The following STAB1 variants were observed in gnomAD, a reference collection of about 807,000 sequenced individuals.
STAB1 encodes the protein stabilin-1.
A neutral mutation model predicts 332.4 loss-of-function variants in STAB1; 250 were observed. The observed-to-expected ratio is 0.75, with a 90% CI of 0.68 to 0.84. The LOEUF (loss-of-function observed/expected upper bound fraction) is 0.84, where lower values mean the gene tolerates loss of function less well. Among genes scored for constraint, STAB1 ranks in the 40% least tolerant of loss-of-function variants. The pLI, the probability that STAB1 is intolerant of heterozygous loss-of-function variation, is 0.00. For synonymous variants in STAB1, 1,475 were observed against 1,390.4 expected (o/e 1.06, Z -1.35); for missense variants, 3,249 against 3,489.7 (o/e 0.93, Z 1.74).
intron 5 of STAB1, 25 bp downstream of exon 5, chr3:52,502,253 C>A (rs976947862): frequency 6.2e-7 from 1 of 1,604,846 alleles, no homozygotes; most frequent in Non-Finnish European, 8.5e-7. Flanking sequence ...GGCAAGAGGG[C>A]ACGGCCAGCG....
At chr3:52,519,609 TGTAA>T (rs34375719) in intron 50 of STAB1, 45 bp downstream of exon 50, 845,574 of 1,608,500 alleles carry the variant, frequency 0.53, 227,358 homozygotes, top group Admixed American at 0.62. Context: ...CACATGCACG[TGTAA>T]GTGTGTGCAA....
chr3:52,495,986 A>T (rs191806482), intron 1 of STAB1, among the ~76,000 whole-genome samples: 1 of 152,340 alleles, frequency 6.6e-6, no homozygotes, highest in African/African-American at 2.4e-5. Context: ...TGGCAAGGAC[A>T]CACTTCAGCC....
At position 52,519,934 on chromosome 3, in the gene STAB1, A is replaced by AC. The variant is rs1176432170; in HGVS notation, c.5236-6dup. 1 of 1,562,852 alleles carries AC rather than the reference A, an allele frequency of 6.4e-7. No individual in the cohort carries two copies. The highest frequency in any genetic ancestry group is 1.8e-5 in the Admixed American group (1 of 54,578). ...GCAGCGACTGCCACATCTTTGCTGC[A>AC]CCCCACCAGGTGGCCGGCCTCCTGC... On this transcript the variant is annotated splice_polypyrimidine_tract_variant and intron_variant, in intron 50 of 68. Transcript: ENST00000321725.
Position 52,501,267 on chromosome 3 carries a change from G to A in STAB1, c.180G>A (p.Leu60=). 6.2e-7 allele frequency: 1 copy of A among 1,613,602 alleles called. No individual in the cohort carries two copies. Among genetic ancestry groups the A allele is most frequent in the Non-Finnish European group, 8.5e-7 (1 of 1,180,016 alleles). The change falls in exon 2 of 69, where the codon CTG becomes CTA. Residue 60 remains leucine, a synonymous_variant. Coordinates refer to ENST00000321725, the MANE Select transcript of STAB1 (RefSeq NM_015136.3). ...AGCAGACGTGTCCCTCAGGCTGGCT[G>A]CGGGAGCTCCCGGATCAGATAACCC... The part of the protein sequence containing the change: ...IKKQTCPSGW[L]RELPDQITQD...
At position 52,516,787 on chromosome 3, in the gene STAB1, C is replaced by T. The variant is rs1344095051; in HGVS notation, c.4363+19C>T. The T allele has an allele frequency of 2.5e-6, 4 of 1,601,348 alleles. No homozygotes were observed. The highest frequency in any genetic ancestry group is 3.4e-6 in the Non-Finnish European group (4 of 1,175,404). ...TGTTCAGGTCCAGCCACACGGATGC[C>T]CAGGGCCCTCCCTGAAATTTTGGGG... On this transcript the variant is annotated intron_variant, in intron 41 of 68. Transcript: ENST00000321725.
Position 52,504,761 on chromosome 3 carries a change from G to A in STAB1, c.1262G>A (p.Cys421Tyr). 3 of 1,613,834 alleles carry A rather than the reference G, an allele frequency of 1.9e-6. No individual in the cohort carries two copies. Among genetic ancestry groups the A allele is most frequent in the Non-Finnish European group, 2.5e-6 (3 of 1,180,018 alleles). Residue 421 changes from cysteine to tyrosine, a missense_variant, in exon 12 of 69, where the codon TGT (cysteine) becomes TAT (tyrosine). Coordinates refer to ENST00000321725, the MANE Select transcript of STAB1 (RefSeq NM_015136.3). ...CAGGCATCCCTTGCCCAGCAGCTCTGTAGACAGCACATCATCGCAGGGCAG... is the reference window on the plus strand; with the variant it reads ...CAGGCATCCCTTGCCCAGCAGCTCTATAGACAGCACATCATCGCAGGGCAG... ...TMNASLAQQL[C>Y]RQHIIAGQHI... is the part of the protein sequence containing the mutation.
chr3:52,520,071 G>A lies in STAB1; in HGVS notation c.5363G>A (p.Arg1788His), dbSNP rs1021463883. The part of the protein sequence containing the change: ...RQAWLYHEDH[R>H]DKLAAILRGH... Reference sequence around the variant, plus strand: ...GCCTGGCTGTACCATGAGGACCACCGTGACAAGCTAGCAGCCATTCTGCGG... The same window carrying A: ...GCCTGGCTGTACCATGAGGACCACCATGACAAGCTAGCAGCCATTCTGCGG... The change falls in exon 51 of 69, where the codon CGT (arginine) becomes CAT (histidine). Residue 1788 changes from arginine (R) to histidine (H), a missense_variant. By Grantham distance (29) the Arg-to-His change is conservative. Coordinates refer to ENST00000321725, the MANE Select transcript of STAB1 (RefSeq NM_015136.3). 3 of 1,612,326 alleles carry A rather than the reference G, an allele frequency of 1.9e-6. No homozygotes were observed. Among genetic ancestry groups the A allele is most frequent in the Non-Finnish European group, 1.7e-6 (2 of 1,179,622 alleles).
chr3:52,517,797 C>T, intron 44 of STAB1, 84 bp from the exon 45 acceptor site: 6 of 1,595,728 alleles, frequency 3.8e-6, no homozygotes, highest in South Asian at 1.1e-5. Context: ...TGAGCAGGGG[C>T]CTTCATGGCC....
rs1265968589 is a variant in STAB1 at position 52,512,650 on chromosome 3, C to G, written c.3027+7C>G. The G allele has an allele frequency of 1.9e-6, 3 of 1,613,636 alleles. No individual in the cohort carries two copies. The highest frequency in any genetic ancestry group is 2.2e-5 in the South Asian group (2 of 91,070). ...CTTCTACCAATGGCTTAAGGTAGGA[C>G]AGGGCAGAATGCTGGGGTTGAGGGC... is the stretch of plus-strand genomic sequence containing the variant. On this transcript the variant is annotated splice_region_variant and intron_variant, in intron 28 of 68. Transcript: ENST00000321725.
rs745762102 is a variant in STAB1, at chr3:52,505,107, G to C, written c.1482G>C (p.Arg494=). ...TCTTCCACGTGGTCACTGGCCTGCG[G>C]TGGCAGGCCCCCTCTGGGACCCCTG... ...NGVFHVVTGL[R]WQAPSGTPGD... The change falls in exon 13 of 69, where the codon CGG becomes CGC. Residue 494 remains arginine, a synonymous_variant. Transcript: ENST00000321725. The C allele has an allele frequency of 1.9e-6, 3 of 1,613,484 alleles. No individual in the cohort carries two copies. The South Asian group carries it at 3.3e-5, about 18-fold the overall frequency.
intron 48 of STAB1, 67 bp from the exon 49 acceptor site, chr3:52,519,197 C>T: frequency 6.4e-7 from 1 of 1,563,874 alleles, no homozygotes; most frequent in Non-Finnish European, 8.7e-7. Context: ...TCAACCTCCA[C>T]CTCAGGCCCC....
At chr3:52,515,607 C>T in intron 37 of STAB1, 101 bp downstream of exon 37, 2 of 1,282,374 alleles carry the variant, frequency 1.6e-6, no homozygotes, top group Non-Finnish European at 2.2e-6. Flanking sequence ...AGGACAGAGA[C>T]TGGGCTGGGA....
rs112238381 is a variant in STAB1, at chr3:52,509,852, C to G, written c.2348-18C>G. The G allele has an allele frequency of 8.7e-6, 14 of 1,612,556 alleles. No individual in the cohort carries two copies. The African/African-American group carries it at 1.6e-4, about 18-fold the overall frequency. ...CCTCCTGCTTCTCAGTTTCCTTGCT[C>G]CCATCTACTCCATACAGACTGCGGC... On this transcript the variant is annotated intron_variant, in intron 22 of 68. Coordinates refer to ENST00000321725, the MANE Select transcript of STAB1 (RefSeq NM_015136.3).
At chr3:52,512,805 C>T (rs1046764110) in intron 28 of STAB1, 23 bp from the exon 29 acceptor site, 1 of 1,606,712 alleles carries the variant, frequency 6.2e-7, no homozygotes. Context: ...CTCCTCCCGC[C>T]CCTGCTCCCT....
rs749863105 is a variant in STAB1 at position 52,524,230 on chromosome 3, A to G, written c.7656+17A>G. The G allele has an allele frequency of 2.1e-5, 34 of 1,613,876 alleles. No individual in the cohort carries two copies. Among genetic ancestry groups the G allele is most frequent in the Non-Finnish European group, 2.6e-5 (31 of 1,179,992 alleles). On this transcript the variant is annotated intron_variant, in intron 68 of 68. Transcript: ENST00000321725. ...CCCTTCGATGTAAGCATGGAAGTGA[A>G]GAAGTGTGGCAGATGTGGGATGGGC... is the stretch of plus-strand genomic sequence containing the variant.
Position 52,501,077 on chromosome 3 carries a change from G to T in STAB1, c.79-89G>T, listed in dbSNP as rs536687866. 58 of 1,526,586 alleles carry T rather than the reference G, an allele frequency of 3.8e-5. No individual in the cohort carries two copies. In the African/African-American group the frequency reaches 6.1e-4, roughly 16 times the overall value. 94.6% of individuals were successfully genotyped at this position (1,526,586 alleles called of 1,614,324 possible). A position where few individuals can be genotyped will look rare whatever the true frequency, so the allele number is the denominator to read the frequency against. Reference sequence around the variant, plus strand: ...CTGAGCAGATGGGAAGTGGCAGCTGGAGGGGTGTGAGCCCTTGCAGCACTG... The same window carrying T: ...CTGAGCAGATGGGAAGTGGCAGCTGTAGGGGTGTGAGCCCTTGCAGCACTG... On this transcript the variant is annotated intron_variant, in intron 1 of 68. Coordinates refer to ENST00000321725, the MANE Select transcript of STAB1 (RefSeq NM_015136.3).
Position 52,512,941 on chromosome 3 carries a change from G to T in STAB1, c.3141G>T (p.Thr1047=). 1 of 1,610,394 alleles carries T rather than the reference G, an allele frequency of 6.2e-7. No homozygotes were observed. The highest frequency in any genetic ancestry group is 2.2e-5 in the East Asian group (1 of 44,834). ...GAGCTTTCTGGCTGCAGCCAAGGACGCTGCCGAACCTGGTCAGGTGGGGCC... is the reference window on the plus strand; with the variant it reads ...GAGCTTTCTGGCTGCAGCCAAGGACTCTGCCGAACCTGGTCAGGTGGGGCC... ...EDRAFWLQPR[T]LPNLVRAHFL... is the part of the protein sequence containing the mutation. Residue 1047 remains threonine, a synonymous_variant, in exon 29 of 69, where the codon ACG becomes ACT. Coordinates refer to ENST00000321725, the MANE Select transcript of STAB1 (RefSeq NM_015136.3).
rs150674062 is a variant in STAB1 at position 52,504,703 on chromosome 3, C to G, written c.1240-36C>G. ...AGAGGTGGTGTGAAGAGGACTGGCCCCCCGGCTCACTTTGCTCCCCGCCTT... is the reference window on the plus strand; with the variant it reads ...AGAGGTGGTGTGAAGAGGACTGGCCGCCCGGCTCACTTTGCTCCCCGCCTT... On this transcript the variant is annotated intron_variant, in intron 11 of 68. Coordinates refer to ENST00000321725, the MANE Select transcript of STAB1 (RefSeq NM_015136.3). 206 of 1,613,452 alleles carry G rather than the reference C, an allele frequency of 1.3e-4. No homozygotes were observed. In the African/African-American group the frequency reaches 2.5e-3, roughly 20 times the overall value.
rs1403791575 is a variant in STAB1 at position 52,521,353 on chromosome 3, A to G, written c.5909-8A>G. On this transcript the variant is annotated splice_polypyrimidine_tract_variant and splice_region_variant and intron_variant, in intron 55 of 68. Transcript: ENST00000321725. ...GGCCCCACCTCACTTCTCCTACCCCATCCCCAGCTTGCCCTGGCGGCCCCA... is the reference window on the plus strand; with the variant it reads ...GGCCCCACCTCACTTCTCCTACCCCGTCCCCAGCTTGCCCTGGCGGCCCCA... 5.6e-6 allele frequency: 9 copies of G among 1,613,600 alleles called. No individual in the cohort carries two copies. The highest frequency in any genetic ancestry group is 7.6e-6 in the Non-Finnish European group (9 of 1,179,982).
Sources: gnomAD v4.1 joint callset for allele counts (sites outside exome capture counted in the v4.1 genomes callset) on GRCh38, gnomAD v4.1.1 for gene constraint, MANE v1.5 for transcripts, NCBI Gene and HGNC (gene_info 2026-07-23, HGNC 2026-07-21) for gene names.